The following KRT25 variants were observed in gnomAD, a reference collection of about 807,000 sequenced individuals.
The protein encoded by KRT25 is keratin 25.
A neutral mutation model predicts 47.6 loss-of-function variants in KRT25; 37 were observed. That is an observed-to-expected ratio of 0.78 (90% CI 0.60 to 1.02). The LOEUF (loss-of-function observed/expected upper bound fraction) is 1.02. Among genes scored for constraint, KRT25 ranks in the 50% least tolerant of loss-of-function variants. The probability of loss-of-function intolerance (pLI) is 0.00; values close to 1 mark genes in which losing one functional copy is unlikely to be tolerated. For synonymous variants in KRT25, 203 were observed against 210.2 expected, an observed-to-expected ratio of 0.97 and a Z score of 0.30; for missense variants, 542 against 550.3, an observed-to-expected ratio of 0.98 and a Z score of 0.15.
chr17:40,753,840 T>C lies in KRT25; in HGVS notation c.669+20A>G, dbSNP rs1433729334. ...CAGTGTCTGCGGAGGGATAGCAAAA[T>C]GTAGACGACCAGCTCTTACCTCTTT... On this transcript the variant is annotated intron_variant, in intron 3 of 7. Coordinates refer to ENST00000312150, the MANE Select transcript of KRT25 (RefSeq NM_181534.4). 6.2e-7 allele frequency: 1 copy of C among 1,611,706 alleles called. No individual in the cohort carries two copies. The highest frequency in any genetic ancestry group is 8.5e-7 in the Non-Finnish European group (1 of 1,178,846).
chr17:40,748,735 C>A (rs530641124), intron 7 of KRT25, among the ~76,000 whole-genome samples: 1 of 152,252 alleles, frequency 6.6e-6, no homozygotes, highest in East Asian at 1.9e-4. Flanking sequence ...GAATAGAAAA[C>A]ATTCTACCAT....
At chr17:40,752,454 T>C (rs1597792943) in intron 3 of KRT25, among the ~76,000 whole-genome samples, 1 of 152,150 alleles carries the variant, frequency 6.6e-6, no homozygotes, top group East Asian at 1.9e-4. Flanking sequence ...CTTTCATTCC[T>C]CCCTGCAGCG....
At position 40,750,429 on chromosome 17, in the gene KRT25, G is replaced by C. The variant is rs372301946; in HGVS notation, c.1126C>G (p.Leu376Val). The C allele has an allele frequency of 6.2e-7, 1 of 1,613,770 alleles. No individual in the cohort carries two copies. The highest frequency in any genetic ancestry group is 8.5e-7 in the Non-Finnish European group (1 of 1,179,864). ...YEQLLDIKLH[L>V]EKEIETYCLL... ...CAGTAGGTCTCAATTTCTTTTTCCA[G>C]GTGGAGCTTGATGTCCAGGAGCTGC... is the stretch of plus-strand genomic sequence containing the variant. The change falls in exon 6 of 8, where the codon CTG becomes GTG. Residue 376 changes from leucine to valine, a missense_variant. Transcript: ENST00000312150.
At chr17:40,754,048 C>A in intron 2 of KRT25, 32 bp from the exon 3 acceptor site, 2 of 1,608,784 alleles carry the variant, frequency 1.2e-6, no homozygotes, top group South Asian at 2.2e-5. Flanking sequence ...CCTAATTTGT[C>A]ACATGGTTGG....
chr17:40,753,498 C>A (rs2038070265), intron 3 of KRT25, among the ~76,000 whole-genome samples: 1 of 151,356 alleles, frequency 6.6e-6, no homozygotes, highest in Non-Finnish European at 1.5e-5. Context: ...AGATCGAGAC[C>A]ATCCTGGCTT....
rs141255550 is a variant in KRT25, at chr17:40,753,881, G to A, written c.648C>T (p.Tyr216=). ...TTACCTCTTTATGGTTCTTTTTGAG[G>A]TAAGTCATCTCCTCACTCAGGGTTT... The part of the protein sequence containing the change: ...QYETLSEEMT[Y]LKKNHKEEMQ... The change falls in exon 3 of 8, where the codon TAC becomes TAT. Residue 216 remains tyrosine, a synonymous_variant. Coordinates refer to ENST00000312150, the MANE Select transcript of KRT25 (RefSeq NM_181534.4). The A allele has an allele frequency of 1.4e-4, 224 of 1,613,874 alleles. No individual in the cohort carries two copies. In the African/African-American group the frequency reaches 2.4e-3, roughly 17 times the overall value.
chr17:40,753,764 G>A (rs1286817781), intron 3 of KRT25, 96 bp downstream of exon 3: 2 of 670,066 alleles, frequency 3.0e-6, no homozygotes, highest in Non-Finnish European at 2.2e-6. Flanking sequence ...TGTGTCTTCA[G>A]CACCAACTTT....
intron 6 of KRT25, 59 bp from the exon 7 acceptor site, chr17:40,749,384 C>T (rs2038025997): frequency 1.6e-6 from 2 of 1,238,434 alleles, no homozygotes; most frequent in Non-Finnish European, 2.4e-6. Context: ...TCTAGGATCA[C>T]CATATGGTTT....
intron 3 of KRT25, among the ~76,000 whole-genome samples, chr17:40,753,492 C>A (rs185009861): frequency 7.1e-4 from 108 of 151,388 alleles, no homozygotes; most frequent in Non-Finnish European, 5.5e-4. Flanking sequence ...GTCAGGAGAT[C>A]GAGACCATCC....
intron 4 of KRT25, 21 bp downstream of exon 4, chr17:40,751,144 C>G: frequency 6.2e-7 from 1 of 1,613,974 alleles, no homozygotes; most frequent in Non-Finnish European, 8.5e-7. Flanking sequence ...GCAAAGGGAC[C>G]GTTTTCTGGA....
rs146850011 is a variant in KRT25, at chr17:40,755,223, T to C, written c.49A>G (p.Thr17Ala). The change falls in exon 1 of 8, where the codon ACC (threonine) becomes GCC (alanine). Residue 17 changes from threonine (T) to alanine (A), a missense_variant. Physicochemically the swap from Thr to Ala is moderately conservative, Grantham distance 58. Coordinates refer to ENST00000312150, the MANE Select transcript of KRT25 (RefSeq NM_181534.4). ...SASRRSCPRP[T>A]TGSLRLYGGG... is the part of the protein sequence containing the mutation. ...CCATAGAGTCTGAGTGATCCAGTGG[T>C]GGGACGAGGACAGGACCTCCTGGAT... 3.8e-5 allele frequency: 61 copies of C among 1,614,102 alleles called. No individual in the cohort carries two copies. The highest frequency in any genetic ancestry group is 3.3e-4 in the Middle Eastern group (2 of 6,062).
At chr17:40,752,832 T>C (rs1166578847) in intron 3 of KRT25, among the ~76,000 whole-genome samples, 1 of 152,250 alleles carries the variant, frequency 6.6e-6, no homozygotes, top group Non-Finnish European at 1.5e-5. Context: ...TCTTCTGTTT[T>C]AAGCATTTGG....
In KRT25 at chr17:40,749,324, C is replaced by T; in HGVS notation, c.1177G>A (p.Ala393Thr). 2 of 1,612,332 alleles carry T rather than the reference C, an allele frequency of 1.2e-6. No homozygotes were observed. Among genetic ancestry groups the T allele is most frequent in the African/African-American group, 1.3e-5 (1 of 75,012 alleles). ...GACTTGTAACCCCCAGACTTACAGG[C>T]TCTGTGAAAACATCGCAAAAGAGGG... ...YCLLIGGDDGACKSGGYKSKD... is the reference protein window; with the variant it reads ...YCLLIGGDDGTCKSGGYKSKD... The change falls in exon 7 of 8, where the codon GCC (alanine) becomes ACC (threonine). Residue 393 changes from alanine (A) to threonine (T), a missense_variant and splice_region_variant. By Grantham distance (58) the Ala-to-Thr change is moderately conservative. Coordinates refer to ENST00000312150, the MANE Select transcript of KRT25 (RefSeq NM_181534.4).
chr17:40,751,567 TATTATAGTGA>T (rs966035098), intron 3 of KRT25, among the ~76,000 whole-genome samples: 1 of 152,228 alleles, frequency 6.6e-6, no homozygotes, highest in Non-Finnish European at 1.5e-5. Context: ...CAGAGTTCTT[TATTATAGTGA>T]GCCAAACTCC....
Position 40,753,842 on chromosome 17 carries a change from T to A in KRT25, c.669+18A>T. 2 of 1,612,374 alleles carry A rather than the reference T, an allele frequency of 1.2e-6. No individual in the cohort carries two copies. Among genetic ancestry groups the A allele is most frequent in the Non-Finnish European group, 1.7e-6 (2 of 1,179,064 alleles). On this transcript the variant is annotated intron_variant, in intron 3 of 7. Transcript: ENST00000312150. ...GTGTCTGCGGAGGGATAGCAAAATGTAGACGACCAGCTCTTACCTCTTTAT... is the reference window on the plus strand; with the variant it reads ...GTGTCTGCGGAGGGATAGCAAAATGAAGACGACCAGCTCTTACCTCTTTAT...
At chr17:40,753,446 C>G (rs2038069682) in intron 3 of KRT25, among the ~76,000 whole-genome samples, 1 of 151,434 alleles carries the variant, frequency 6.6e-6, no homozygotes, top group African/African-American at 2.4e-5. Flanking sequence ...CCTGTAATCC[C>G]AGCACTTTGG....
chr17:40,749,987 C>T (rs1278988784), intron 6 of KRT25, among the ~76,000 whole-genome samples: 1 of 152,122 alleles, frequency 6.6e-6, no homozygotes, highest in Non-Finnish European at 1.5e-5. Context: ...CTTCCTGCTC[C>T]TAACAACCCT....
chr17:40,748,039 G>C lies in KRT25; in HGVS notation c.*238C>G, dbSNP rs1399399851. The C allele has an allele frequency of 2.9e-6, 1 of 346,644 alleles. No individual in the cohort carries two copies. The highest frequency in any genetic ancestry group is 2.1e-5 in the African/African-American group (1 of 46,954). 21.5% of individuals were successfully genotyped at this position (346,644 alleles called of 1,614,324 possible). ...CCAATGATAACTTGCTAAAGAAGAG[G>C]TTTATTGAATACAAAGAATTGACAA... On this transcript the variant is annotated 3_prime_UTR_variant, in exon 8 of 8. Transcript: ENST00000312150.
intron 3 of KRT25, among the ~76,000 whole-genome samples, 199 bp from the exon 4 acceptor site, chr17:40,751,525 C>A (rs779210964): frequency 1.2e-4 from 19 of 152,206 alleles, no homozygotes; most frequent in Admixed American, 6.5e-4. Context: ...TATGAAGTAG[C>A]CTGTTTCATT....
Sources: gnomAD v4.1 joint callset for allele counts (sites outside exome capture counted in the v4.1 genomes callset) on GRCh38, gnomAD v4.1.1 for gene constraint, MANE v1.5 for transcripts, NCBI Gene and HGNC (gene_info 2026-07-23, HGNC 2026-07-21) for gene names.